GLMN: variants seen among roughly 807,000 people sequenced by gnomAD.
GLMN encodes the protein glomulin, FKBP associated protein.
A neutral mutation model predicts 87.8 loss-of-function variants in GLMN; 75 were observed. The ratio of observed to expected loss-of-function variants is 0.85; its 90% CI spans 0.71 to 1.04. The LOEUF (loss-of-function observed/expected upper bound fraction) is 1.04. Among genes scored for constraint, GLMN ranks in the 50% least tolerant of loss-of-function variants. The probability of loss-of-function intolerance (pLI) is 0.00; values close to 1 mark genes in which losing one functional copy is unlikely to be tolerated. For missense variants in GLMN, 588 were observed against 658.8 expected, an observed-to-expected ratio of 0.89 and a Z score of 1.18; for synonymous variants, 206 against 221.6, an observed-to-expected ratio of 0.93 and a Z score of 0.63.
chr1:92,295,554 A>T (rs558154477), intron 3 of GLMN, among the ~76,000 whole-genome samples: 2 of 152,150 alleles, frequency 1.3e-5, no homozygotes, highest in African/African-American at 4.8e-5. Flanking sequence ...ATCATATGTT[A>T]TCCTTTTAGA....
the GLMN span, among the ~76,000 whole-genome samples, chr1:92,316,734 C>G: frequency 2.2e-4 from 33 of 152,256 alleles, no homozygotes; most frequent in East Asian, 4.8e-3. Context: ...ATGGCACTTT[C>G]TCTTCAAACG....
At chr1:92,276,460 G>C (rs542489267) in intron 7 of GLMN, among the ~76,000 whole-genome samples, 5 of 151,980 alleles carry the variant, frequency 3.3e-5, no homozygotes, top group African/African-American at 9.7e-5. Flanking sequence ...CCAGGAGTTC[G>C]AGACCAGCCT....
intron 7 of GLMN, among the ~76,000 whole-genome samples, chr1:92,278,099 G>A (rs781648933): frequency 2.6e-5 from 4 of 152,262 alleles, no homozygotes; most frequent in South Asian, 2.1e-4. Context: ...CTTGCTTGCC[G>A]TGAAGGGCAG....
the GLMN span, among the ~76,000 whole-genome samples, chr1:92,325,146 C>T: frequency 6.6e-6 from 1 of 152,110 alleles, no homozygotes; most frequent in Non-Finnish European, 1.5e-5. Context: ...AGTATTTCTA[C>T]TACCCATCTT....
intron 7 of GLMN, among the ~76,000 whole-genome samples, chr1:92,273,276 A>AGAC (rs1656439211): frequency 6.6e-6 from 1 of 152,200 alleles, no homozygotes; most frequent in Non-Finnish European, 1.5e-5. Context: ...CAGCGACCAG[A>AGAC]TGCTAAATAT....
At chr1:92,279,017 T>C (rs72720414) in intron 7 of GLMN, among the ~76,000 whole-genome samples, 2 of 152,346 alleles carry the variant, frequency 1.3e-5, no homozygotes, top group Non-Finnish European at 2.9e-5. Context: ...CCCCTTTTAG[T>C]AACCTAACTC....
chr1:92,298,970 G>C lies in GLMN; in HGVS notation c.-76C>G. 2 of 532,356 alleles carry C rather than the reference G, an allele frequency of 3.8e-6. No homozygotes were observed. The highest frequency in any genetic ancestry group is 6.6e-6 in the Non-Finnish European group (2 of 303,798). The allele number at this position is 532,356 out of a possible 1,614,324, so 33.0% of individuals were successfully genotyped here. A position where few individuals can be genotyped will look rare whatever the true frequency, so the allele number is the denominator to read the frequency against. ...CCCAGCCGCCGCCACCTCCTCCGGC[G>C]TCTTAGCCCGCTCTTCTGGCCCCGC... On this transcript the variant is annotated 5_prime_UTR_variant, in exon 1 of 19. Transcript: ENST00000370360.
chr1:92,280,401 CAGAA>C (rs1647883829), intron 7 of GLMN, among the ~76,000 whole-genome samples: 1 of 152,154 alleles, frequency 6.6e-6, no homozygotes, highest in South Asian at 2.1e-4. Context: ...AACTAACAAA[CAGAA>C]AGGAATAGCA....
At chr1:92,283,277 A>C (rs9804136) in intron 7 of GLMN, among the ~76,000 whole-genome samples, 72,540 of 151,966 alleles carry the variant, frequency 0.48, 18,311 homozygotes, top group East Asian at 0.96. Context: ...CGCCACAATC[A>C]AGTCGGCTTC....
chr1:92,362,593 A>C, the GLMN span, among the ~76,000 whole-genome samples: 1 of 152,204 alleles, frequency 6.6e-6, no homozygotes, highest in Admixed American at 6.5e-5. Context: ...TTAACATTGA[A>C]AATTCCGAGT....
the GLMN span, among the ~76,000 whole-genome samples, chr1:92,339,842 A>G: frequency 2.6e-5 from 4 of 151,658 alleles, no homozygotes; most frequent in Non-Finnish European, 4.4e-5. Context: ...TGTCATTCCT[A>G]TTTTCTGGCT....
chr1:92,348,440 G>C, the GLMN span, among the ~76,000 whole-genome samples: 1 of 152,172 alleles, frequency 6.6e-6, no homozygotes, highest in African/African-American at 2.4e-5. Flanking sequence ...TTGAAATCTT[G>C]TTTTCTGATA....
intron 3 of GLMN, among the ~76,000 whole-genome samples, chr1:92,293,371 T>C (rs1649649352): frequency 6.6e-6 from 1 of 152,116 alleles, no homozygotes; most frequent in African/African-American, 2.4e-5. Context: ...ATTGTCGCGA[T>C]CTCAGCTCAC....
chr1:92,299,021 G>A, upstream of GLMN: 1 of 1,007,498 alleles, frequency 9.9e-7, no homozygotes, highest in Non-Finnish European at 1.4e-6. Context: ...GGGAGGCGGG[G>A]CCTCGGGGCG....
the GLMN span, among the ~76,000 whole-genome samples, chr1:92,317,819 CAGG>C: frequency 4.6e-5 from 7 of 152,210 alleles, no homozygotes; most frequent in African/African-American, 1.7e-4. Flanking sequence ...AGTTGTATAG[CAGG>C]AGATGTTGCA....
At chr1:92,363,870 G>GTAATA in the GLMN span, 1 of 171,140 alleles carries the variant, frequency 5.8e-6, no homozygotes, top group Non-Finnish European at 1.3e-5. Flanking sequence ...TATGCATTAT[G>GTAATA]TAATATTTAT....
chr1:92,283,399 G>A (rs1255935853), intron 7 of GLMN, among the ~76,000 whole-genome samples: 1 of 152,124 alleles, frequency 6.6e-6, no homozygotes, highest in Non-Finnish European at 1.5e-5. Context: ...TGCAGAAAAG[G>A]CCTTGGATAA....
At chr1:92,272,894 C>T (rs990531377) in intron 7 of GLMN, among the ~76,000 whole-genome samples, 1 of 152,306 alleles carries the variant, frequency 6.6e-6, no homozygotes, top group East Asian at 1.9e-4. Context: ...TTTGGCTCTA[C>T]CATTTACTAC....
intron 3 of GLMN, among the ~76,000 whole-genome samples, 158 bp from the exon 4 acceptor site, chr1:92,291,695 C>T (rs993807488): frequency 1.2e-4 from 19 of 152,216 alleles, no homozygotes; most frequent in African/African-American, 3.9e-4. Flanking sequence ...GGGTTGGCTA[C>T]TAACAGACAT....
Sources: allele counts gnomAD v4.1 joint callset (sites outside exome capture counted in the v4.1 genomes callset), GRCh38; gene constraint gnomAD v4.1.1; transcripts MANE v1.5; gene names NCBI Gene and HGNC (gene_info 2026-07-23, HGNC 2026-07-21).